The following HOMER1 variants were observed in gnomAD, a reference collection of about 807,000 sequenced individuals.
HOMER1 encodes homer protein homolog 1.
A neutral mutation model predicts 48.9 loss-of-function variants in HOMER1; 3 were observed. The ratio of observed to expected loss-of-function variants is 0.06; its 90% CI spans 0.03 to 0.16. The LOEUF is 0.16. Among genes scored for constraint, HOMER1 ranks in the 10% least tolerant of loss-of-function variants. The pLI is 1.00. For synonymous variants in HOMER1, 134 were observed against 146.4 expected (o/e 0.92, Z 0.61); for missense variants, 247 against 411.4 (o/e 0.60, Z 3.46).
chr5:79,465,459 T>C (rs1051560046), intron 1 of HOMER1, among the ~76,000 whole-genome samples: 4 of 152,104 alleles, frequency 2.6e-5, no homozygotes, highest in African/African-American at 7.2e-5. Context: ...AATATTTTCA[T>C]GACATTAAGT....
chr5:79,457,073 G>A lies in HOMER1; in HGVS notation c.6-55C>T, dbSNP rs187718008. The A allele has an allele frequency of 7.9e-5, 121 of 1,528,142 alleles. No homozygotes were observed. The African/African-American group carries it at 1.4e-3, about 18-fold the overall frequency. 94.7% of individuals were successfully genotyped at this position (1,528,142 alleles called of 1,614,324 possible). ...GAAAGCAGCCAGTTTTATTTCACTA[G>A]ACAAGAGAACATGAAAACTGCAAGG... On this transcript the variant is annotated intron_variant, in intron 1 of 8. Transcript: ENST00000334082.
chr5:79,483,496 TA>T (rs77977728), intron 1 of HOMER1, among the ~76,000 whole-genome samples: 220 of 144,056 alleles, frequency 1.5e-3, no homozygotes, highest in Non-Finnish European at 2.0e-3. Context: ...AATTTTACCT[TA>T]AAAAAAAAAA....
chr5:79,504,330 A>C (rs1385612531), intron 1 of HOMER1, among the ~76,000 whole-genome samples: 1 of 152,104 alleles, frequency 6.6e-6, no homozygotes, highest in Non-Finnish European at 1.5e-5. Flanking sequence ...AAAGCACACA[A>C]ATTTTAATGT....
chr5:79,510,321 A>C, intron 1 of HOMER1: 1 of 432,028 alleles, frequency 2.3e-6, no homozygotes, highest in South Asian at 2.0e-5. Flanking sequence ...GTCTAAATGC[A>C]TGTTATGTGT....
At chr5:79,379,120 T>A (rs1748869771) in intron 8 of HOMER1, among the ~76,000 whole-genome samples, 2 of 92,812 alleles carry the variant, frequency 2.2e-5, no homozygotes, top group South Asian at 6.8e-4. Context: ...ATATAAAATA[T>A]ATAAATATTT....
At chr5:79,418,860 T>C (rs1024385021) in intron 5 of HOMER1, among the ~76,000 whole-genome samples, 1 of 152,228 alleles carries the variant, frequency 6.6e-6, no homozygotes, top group Non-Finnish European at 1.5e-5. Flanking sequence ...TATGCAGTTA[T>C]ATATAAGGGT....
intron 1 of HOMER1, among the ~76,000 whole-genome samples, chr5:79,457,478 G>A (rs1347444887): frequency 6.6e-6 from 1 of 152,210 alleles, no homozygotes; most frequent in Middle Eastern, 3.4e-3. Context: ...CTTTGTTGGT[G>A]CTTTTACTGT....
intron 1 of HOMER1, among the ~76,000 whole-genome samples, chr5:79,493,313 A>T (rs561049277): frequency 6.6e-6 from 1 of 152,278 alleles, no homozygotes; most frequent in South Asian, 2.1e-4. Context: ...GTGGCTTCTA[A>T]TCTCAGCTGG....
chr5:79,379,741 G>A (rs1476305322), intron 8 of HOMER1, among the ~76,000 whole-genome samples: 4 of 151,552 alleles, frequency 2.6e-5, no homozygotes, highest in South Asian at 2.1e-4. Flanking sequence ...CACCATGCCC[G>A]GCCTTGCCTT....
chr5:79,493,797 C>G (rs1752351665), intron 1 of HOMER1, among the ~76,000 whole-genome samples: 1 of 152,200 alleles, frequency 6.6e-6, no homozygotes, highest in African/African-American at 2.4e-5. Context: ...TAATCCCATT[C>G]TGTAAACAAA....
At chr5:79,398,599 A>G (rs1264337976) in intron 6 of HOMER1, among the ~76,000 whole-genome samples, 1 of 152,116 alleles carries the variant, frequency 6.6e-6, no homozygotes, top group African/African-American at 2.4e-5. Flanking sequence ...GGACTTAATT[A>G]TAATCTTTTT....
At chr5:79,407,376 G>A (rs1266982924) in intron 5 of HOMER1, among the ~76,000 whole-genome samples, 1 of 151,836 alleles carries the variant, frequency 6.6e-6, no homozygotes, top group Non-Finnish European at 1.5e-5. Flanking sequence ...ATCATACTCA[G>A]AGATTAATCT....
At chr5:79,418,766 G>GT (rs1015634330) in intron 5 of HOMER1, among the ~76,000 whole-genome samples, 3 of 152,152 alleles carry the variant, frequency 2.0e-5, no homozygotes, top group Non-Finnish European at 4.4e-5. Context: ...CACCCGTAAG[G>GT]TTTTTCAAAC....
chr5:79,399,081 T>C (rs978887689), intron 6 of HOMER1, among the ~76,000 whole-genome samples: 3 of 152,296 alleles, frequency 2.0e-5, no homozygotes, highest in Non-Finnish European at 2.9e-5. Context: ...TTAAAGGGAG[T>C]TCCAATTCTG....
intron 1 of HOMER1, among the ~76,000 whole-genome samples, chr5:79,489,260 A>G (rs1752204901): frequency 6.6e-6 from 1 of 152,202 alleles, no homozygotes; most frequent in Non-Finnish European, 1.5e-5. Context: ...GCCAATTTTT[A>G]GTTTGACACC....
At chr5:79,388,351 G>A (rs1349295317) in intron 8 of HOMER1, among the ~76,000 whole-genome samples, 1 of 151,992 alleles carries the variant, frequency 6.6e-6, no homozygotes, top group African/African-American at 2.4e-5. Context: ...TGCAAAAGAG[G>A]GTGTTTTTGA....
rs923720389 is a variant in HOMER1, at chr5:79,514,005, G to C, written c.-1231C>G. The C allele has an allele frequency of 6.5e-6, 1 of 152,966 alleles. No individual in the cohort carries two copies. Among genetic ancestry groups the C allele is most frequent in the Admixed American group, 6.5e-5 (1 of 15,282 alleles). 9.5% of individuals were successfully genotyped at this position (152,966 alleles called of 1,614,324 possible). ...GCCCGCCTCCGGCTACCGCCGGGCA[G>C]AGCAGCGCCAGCCCCGGCGGCCTGA... On this transcript the variant is annotated 5_prime_UTR_variant, in exon 1 of 9. Coordinates refer to ENST00000334082, the MANE Select transcript of HOMER1 (RefSeq NM_004272.5).
At chr5:79,395,918 A>T (rs1749371064) in intron 8 of HOMER1, among the ~76,000 whole-genome samples, 1 of 152,168 alleles carries the variant, frequency 6.6e-6, no homozygotes, top group Admixed American at 6.5e-5. Context: ...TTCTTATTAT[A>T]ATCTAGGTCC....
At chr5:79,391,658 G>A (rs1436835503) in intron 8 of HOMER1, among the ~76,000 whole-genome samples, 1 of 151,614 alleles carries the variant, frequency 6.6e-6, no homozygotes, top group African/African-American at 2.4e-5. Context: ...AGGCAGAATA[G>A]CTTGAACCTG....
Sources: allele counts gnomAD v4.1 joint callset (sites outside exome capture counted in the v4.1 genomes callset), GRCh38; gene constraint gnomAD v4.1.1; transcripts MANE v1.5; gene names NCBI Gene and HGNC (gene_info 2026-07-23, HGNC 2026-07-21).